The following HMCN2 variants were observed in gnomAD, a reference collection of about 807,000 sequenced individuals.
The protein encoded by HMCN2 is hemicentin 2, also known as hemicentin-2.
Under a neutral mutation model 377.5 loss-of-function variants are expected in HMCN2, and 325 were observed. The ratio of observed to expected loss-of-function variants is 0.86; its 90% CI spans 0.79 to 0.94. The LOEUF is 0.94. HMCN2 is among the 40% of genes least tolerant of loss of function. HMCN2 has a pLI of 0.00. For synonymous variants in HMCN2, 2,007 were observed against 2,046.8 expected (o/e 0.98, Z 0.53); for missense variants, 4,543 against 4,725.3 (o/e 0.96, Z 1.13).
intron 62 of HMCN2, among the ~76,000 whole-genome samples, chr9:130,390,016 A>G (rs1842222748): frequency 6.6e-6 from 1 of 152,056 alleles, no homozygotes; most frequent in African/African-American, 2.4e-5. Context: ...TTTGGCTGAG[A>G]TGCTCAGTGC....
intron 21 of HMCN2, 137 bp from the exon 22 acceptor site, chr9:130,327,173 T>G (rs1838184041): frequency 6.6e-6 from 1 of 152,196 alleles, no homozygotes; most frequent in African/African-American, 2.4e-5. Context: ...GACAGCCATA[T>G]CCACCTTCTG....
At chr9:130,358,303 C>T in intron 35 of HMCN2, 87 bp from the exon 36 acceptor site, 3 of 1,293,384 alleles carry the variant, frequency 2.3e-6, no homozygotes, top group Non-Finnish European at 3.1e-6. Context: ...GCTCCTGCCC[C>T]CGGGCTCGGC....
chr9:130,427,641 G>A, intron 92 of HMCN2, 22 bp downstream of exon 92: 1 of 1,544,874 alleles, frequency 6.5e-7, no homozygotes, highest in Non-Finnish European at 8.7e-7. Flanking sequence ...GCCGGGAGGA[G>A]GGAGGAGACG....
chr9:130,342,304 G>A (rs1202866218), intron 24 of HMCN2, 46 bp from the exon 25 acceptor site: 2 of 152,296 alleles, frequency 1.3e-5, no homozygotes, highest in Non-Finnish European at 2.9e-5. Context: ...AGGGGTGCCA[G>A]GCTTTGGGCC....
intron 52 of HMCN2, 94 bp downstream of exon 52, chr9:130,376,752 A>C (rs1841403554): frequency 1.3e-6 from 1 of 762,668 alleles, no homozygotes; most frequent in African/African-American, 1.9e-5. Context: ...CCCTTAAAGC[A>C]CCTAGCCCTA....
intron 1 of HMCN2, among the ~76,000 whole-genome samples, chr9:130,282,681 A>C (rs1835188543): frequency 6.6e-6 from 1 of 152,256 alleles, no homozygotes; most frequent in Non-Finnish European, 1.5e-5. Flanking sequence ...TTTCCTTTCT[A>C]AGAAAGACTG....
At position 130,272,182 on chromosome 9, in the gene HMCN2, A is replaced by G. The variant is rs1834439509; in HGVS notation, c.259+6045A>G. On this transcript the variant is annotated intron_variant, in intron 1 of 97. Transcript: ENST00000683500. ...TCTTAACAGACTCCATTCATTTCCA[A>G]AATTACTTAGGCCAACACCTTCTTC... 1.3e-5 allele frequency among the ~76,000 whole-genome samples: 2 copies of G among 149,196 alleles called. 1 individual carries two copies.
chr9:130,307,976 G>A (rs1836981568), intron 14 of HMCN2, among the ~76,000 whole-genome samples: 1 of 151,912 alleles, frequency 6.6e-6, no homozygotes, highest in Non-Finnish European at 1.5e-5. Flanking sequence ...ATTTTTTTGA[G>A]ACAAGAGTCT....
In HMCN2 at chr9:130,265,832, C is replaced by T. The variant is rs1201370181; in HGVS notation, c.-47C>T. 3.1e-6 allele frequency: 1 copy of T among 318,448 alleles called. No homozygotes were observed. Among genetic ancestry groups the T allele is most frequent in the Non-Finnish European group, 6.0e-6 (1 of 166,332 alleles). 19.7% of individuals were successfully genotyped at this position (318,448 alleles called of 1,614,324 possible). On this transcript the variant is annotated 5_prime_UTR_variant, in exon 1 of 98. Transcript: ENST00000683500. ...GTGCACCGGGGCGGCCGGCTAGCTCCGACCTGCGCCTCCACCGCAGCACCC... is the reference window on the plus strand; with the variant it reads ...GTGCACCGGGGCGGCCGGCTAGCTCTGACCTGCGCCTCCACCGCAGCACCC...
At chr9:130,272,061 A>G (rs1554921313) in intron 1 of HMCN2, among the ~76,000 whole-genome samples, 2 of 148,976 alleles carry the variant, frequency 1.3e-5, no homozygotes, top group Non-Finnish European at 3.0e-5. Flanking sequence ...TTTACTGTTT[A>G]GTTCCAGTAT....
Position 130,359,345 on chromosome 9 carries a change from G to A in HMCN2, c.5704G>A (p.Val1902Ile), listed in dbSNP as rs1438341716. 1.8e-5 allele frequency: 23 copies of A among 1,303,912 alleles called. No homozygotes were observed. Among genetic ancestry groups the A allele is most frequent in the Non-Finnish European group, 2.3e-5 (23 of 988,674 alleles). The allele number at this position is 1,303,912 out of a possible 1,614,324, so 80.8% of individuals were successfully genotyped here. Reference sequence around the variant, plus strand: ...GCCCCCCAACATCGAGCCAGGCCCAGTCAACAAGGCAGTGCTGGAAAATGC... The same window carrying A: ...GCCCCCCAACATCGAGCCAGGCCCAATCAACAAGGCAGTGCTGGAAAATGC... ...LVPPNIEPGP[V>I]NKAVLENASV... is the part of the protein sequence containing the mutation. The change falls in exon 37 of 98, where the codon GTC (valine) becomes ATC (isoleucine). Residue 1902 changes from valine (V) to isoleucine (I), a missense_variant. Transcript: ENST00000683500.
Position 130,360,369 on chromosome 9 carries a change from T to C in HMCN2, c.5774-59T>C. ...TCTTCCTTTCCCCCTTACTTCTCTC[T>C]TCCATTCCCCCTTGCTTCTCTCTTC... On this transcript the variant is annotated intron_variant, in intron 37 of 97. Transcript: ENST00000683500. This position sits in a 1 kb window ranked among gnomAD's most constrained non-coding sequence, Gnocchi z 4.7. 4.9e-6 allele frequency: 5 copies of C among 1,030,650 alleles called. No homozygotes were observed. Among genetic ancestry groups the C allele is most frequent in the Non-Finnish European group, 6.2e-6 (5 of 801,288 alleles). 63.8% of individuals were successfully genotyped at this position (1,030,650 alleles called of 1,614,324 possible). A position where few individuals can be genotyped will look rare whatever the true frequency, so the allele number is the denominator to read the frequency against.
At chr9:130,402,176 G>A (rs888356469) in intron 77 of HMCN2, among the ~76,000 whole-genome samples, 2 of 152,258 alleles carry the variant, frequency 1.3e-5, no homozygotes, top group African/African-American at 4.8e-5. Context: ...GTTCCATCTG[G>A]GGCTGGGACA....
chr9:130,266,335 C>A (rs868944196), intron 1 of HMCN2, among the ~76,000 whole-genome samples, 198 bp downstream of exon 1: 3 of 152,202 alleles, frequency 2.0e-5, no homozygotes, highest in Non-Finnish European at 4.4e-5. Context: ...CCCTCCCACC[C>A]CCCTGGAACA....
chr9:130,312,511 C>T, intron 15 of HMCN2, among the ~76,000 whole-genome samples: 2 of 10,278 alleles, frequency 1.9e-4, no homozygotes, highest in Non-Finnish European at 2.9e-4. Flanking sequence ...TTCTGTCCCT[C>T]CCTCCCTCCC....
intron 87 of HMCN2, among the ~76,000 whole-genome samples, chr9:130,424,183 T>TTA (rs1844187753): frequency 6.9e-6 from 1 of 145,086 alleles, no homozygotes; most frequent in African/African-American, 2.5e-5. Context: ...TTTTTTTTTT[T>TTA]AATTTTTTTT....
intron 1 of HMCN2, among the ~76,000 whole-genome samples, chr9:130,274,532 A>C (rs1206493941): frequency 6.6e-6 from 1 of 152,050 alleles, no homozygotes; most frequent in Non-Finnish European, 1.5e-5. Flanking sequence ...GTTTTTTGTC[A>C]AGTTTTACCA....
rs746498483 is a variant in HMCN2 at position 130,408,949 on chromosome 9, G to A, written c.12879+16G>A. On this transcript the variant is annotated intron_variant, in intron 84 of 97. Coordinates refer to ENST00000683500, the MANE Select transcript of HMCN2 (RefSeq NM_001291815.2). ...CAGGACTGAGGCAAGGCGGGGCCTG[G>A]CACCTTGGGTGGGGCCACTGAGGAC... The A allele has an allele frequency of 7.8e-7, 1 of 1,284,654 alleles. No individual in the cohort carries two copies. Among genetic ancestry groups the A allele is most frequent in the South Asian group, 1.2e-5 (1 of 80,400 alleles). The allele number at this position is 1,284,654 out of a possible 1,614,324, so 79.6% of individuals were successfully genotyped here.
At chr9:130,331,314 G>T (rs1485403111) in intron 22 of HMCN2, among the ~76,000 whole-genome samples, 1 of 152,152 alleles carries the variant, frequency 6.6e-6, no homozygotes, top group African/African-American at 2.4e-5. Flanking sequence ...TTATCTCCTG[G>T]GTCGGTTCCT....
Sources: gnomAD v4.1 joint callset for allele counts (sites outside exome capture counted in the v4.1 genomes callset) on GRCh38, gnomAD v4.1.1 for gene constraint, Gnocchi (gnomAD v3.1) non-coding constraint, MANE v1.5 for transcripts, NCBI Gene and HGNC (gene_info 2026-07-23, HGNC 2026-07-21) for gene names.